Variants in DOP1B observed in about 807,000 individuals in gnomAD.
DOP1B encodes the protein DOP1 leucine zipper like protein B, also known as protein DOP1B.
DOP1B carries 174 observed loss-of-function variants against 233.5 expected under a neutral mutation model. The ratio of observed to expected loss-of-function variants is 0.75; its 90% CI spans 0.66 to 0.85. The LOEUF is 0.85. DOP1B is among the 40% of genes least tolerant of loss of function. The probability of loss-of-function intolerance (pLI) is 0.00; values close to 1 mark genes in which losing one functional copy is unlikely to be tolerated. For missense variants in DOP1B, 2,652 were observed against 2,846.6 expected, an observed-to-expected ratio of 0.93 and a Z score of 1.56; for synonymous variants, 1,190 against 1,185.6, an observed-to-expected ratio of 1.00 and a Z score of -0.08.
chr21:36,238,608 G>A lies in DOP1B; in HGVS notation c.2783G>A (p.Arg928Lys), dbSNP rs138188793. The change falls in exon 17 of 37, where the codon AGG (arginine) becomes AAG (lysine). Residue 928 changes from arginine (R) to lysine (K), a missense_variant. Transcript: ENST00000691173. ...HALLDPDKGT[R>K]LEALFRFSVI... ...ATGTATCTCCTCATCAAGGGAACAA[G>A]GCTGGAAGCTCTGTTTAGATTTTCC... 6.2e-7 allele frequency: 1 copy of A among 1,614,112 alleles called. No individual in the cohort carries two copies. The highest frequency in any genetic ancestry group is 8.5e-7 in the Non-Finnish European group (1 of 1,180,048).
intron 27 of DOP1B, among the ~76,000 whole-genome samples, chr21:36,275,523 G>A (rs1238887590): frequency 6.6e-6 from 1 of 151,896 alleles, no homozygotes; most frequent in Non-Finnish European, 1.5e-5. Context: ...GGAGGCTGAG[G>A]TGGGAAGATC....
In DOP1B at chr21:36,231,234, T is replaced by C. The variant is rs2066761691; in HGVS notation, c.2350+100T>C. ...TATCCACAATGCTAGGGACCAAATG[T>C]ATTTTGGATTTCGGACTTTTTTCAG... On this transcript the variant is annotated intron_variant, in intron 14 of 36. Transcript: ENST00000691173. The C allele has an allele frequency of 2.1e-6, 3 of 1,416,024 alleles. No homozygotes were observed. The East Asian group carries it at 7.2e-5, about 34-fold the overall frequency. 87.7% of individuals were successfully genotyped at this position (1,416,024 alleles called of 1,614,324 possible).
At position 36,246,386 on chromosome 21, in the gene DOP1B, C is replaced by T. The variant is rs1337626812; in HGVS notation, c.4406C>T (p.Ser1469Phe). 3.1e-6 allele frequency: 5 copies of T among 1,613,248 alleles called. No homozygotes were observed. Among genetic ancestry groups the T allele is most frequent in the Non-Finnish European group, 4.2e-6 (5 of 1,179,824 alleles). The stretch of plus-strand genomic sequence containing the variant: ...GAGGCGGAAAACCAGCCCGACCTGT[C>T]CCGGGAGTGGCAGAGAGCCCTGAAC... ...HEEAENQPDL[S>F]REWQRALNFQ... is the part of the protein sequence containing the mutation. The change falls in exon 19 of 37, where the codon TCC becomes TTC. Residue 1469 changes from serine to phenylalanine, a missense_variant. Physicochemically the swap from Ser to Phe is radical, Grantham distance 155. Transcript: ENST00000691173. The surrounding 1 kb of genome is among the most constrained non-coding windows in gnomAD (Gnocchi z 5.1).
At chr21:36,251,980 C>T (rs969179509) in intron 22 of DOP1B, among the ~76,000 whole-genome samples, 23 of 152,066 alleles carry the variant, frequency 1.5e-4, no homozygotes, top group African/African-American at 5.1e-4. Flanking sequence ...ACGGGCAGAT[C>T]GCTTGAGTCT....
Position 36,277,056 on chromosome 21 carries a change from G to A in DOP1B, c.5668G>A (p.Ala1890Thr), listed in dbSNP as rs1417028413. 9 of 1,614,008 alleles carry A rather than the reference G, an allele frequency of 5.6e-6. No homozygotes were observed. Among genetic ancestry groups the A allele is most frequent in the East Asian group, 2.2e-5 (1 of 44,874 alleles). The change falls in exon 28 of 37, where the codon GCC becomes ACC. Residue 1890 changes from alanine (A) to threonine (T), a missense_variant. This residue lies in a region of DOP1B where 2,617 missense variants were observed against 2,794.3 expected (regional missense o/e 0.94). Transcript: ENST00000691173. ...AGCTTCAGCAATGGTGTCTTCATCC[G>A]CCCCGTCGGTGTACAGCGTGCAAGC... is the stretch of plus-strand genomic sequence containing the variant. ...AAASAMVSSS[A>T]PSVYSVQALS...
intron 26 of DOP1B, among the ~76,000 whole-genome samples, chr21:36,267,764 A>G (rs1051598261): frequency 2.6e-5 from 4 of 151,818 alleles, no homozygotes; most frequent in Non-Finnish European, 1.5e-5. Context: ...AAAGAGAGGA[A>G]TGTTACAGCT....
intron 2 of DOP1B, among the ~76,000 whole-genome samples, chr21:36,191,255 GA>G (rs10599369): frequency 0.39 from 55,624 of 141,258 alleles, 10,421 homozygotes; most frequent in Admixed American, 0.42. Flanking sequence ...AAACAAGTCA[GA>G]AAAAAAAAAA....
At chr21:36,260,788 G>T in intron 24 of DOP1B, 56 bp downstream of exon 24, 1 of 1,596,894 alleles carries the variant, frequency 6.3e-7, no homozygotes, top group East Asian at 2.2e-5. Flanking sequence ...CTATTGCAGT[G>T]AGCATGCATA....
At chr21:36,189,162 G>A (rs997481617) in intron 2 of DOP1B, among the ~76,000 whole-genome samples, 1 of 152,128 alleles carries the variant, frequency 6.6e-6, no homozygotes, top group African/African-American at 2.4e-5. Flanking sequence ...TATTTTCTTG[G>A]GTGGAGCAAC....
At chr21:36,184,700 C>T (rs2066143505) in intron 2 of DOP1B, among the ~76,000 whole-genome samples, 1 of 152,186 alleles carries the variant, frequency 6.6e-6, no homozygotes, top group African/African-American at 2.4e-5. Flanking sequence ...CCTTGGTGCT[C>T]AGGCTGCCCG....
At chr21:36,268,333 A>G (rs2067252813) in intron 26 of DOP1B, among the ~76,000 whole-genome samples, 1 of 152,196 alleles carries the variant, frequency 6.6e-6, no homozygotes, top group Non-Finnish European at 1.5e-5. Context: ...GGCTCTCTGC[A>G]AGAAGAAAAA....
At chr21:36,251,700 C>T (rs1430836621) in intron 22 of DOP1B, among the ~76,000 whole-genome samples, 1 of 152,172 alleles carries the variant, frequency 6.6e-6, no homozygotes, top group Non-Finnish European at 1.5e-5. Flanking sequence ...GGATTACAGG[C>T]GTGAGCCACC....
intron 32 of DOP1B, among the ~76,000 whole-genome samples, chr21:36,283,835 G>A (rs1248505890): frequency 6.6e-6 from 1 of 151,308 alleles, no homozygotes; most frequent in Non-Finnish European, 1.5e-5. Flanking sequence ...GAAGCAGTAA[G>A]CCTACTTTCT....
At chr21:36,170,002 A>G (rs2065957514) in intron 2 of DOP1B, 1 of 754,024 alleles carries the variant, frequency 1.3e-6, no homozygotes, top group Non-Finnish European at 2.5e-6. Context: ...TGGCCTGTCG[A>G]CTTCCCGTGT....
intron 2 of DOP1B, among the ~76,000 whole-genome samples, chr21:36,180,565 T>G (rs1451226623): frequency 7.3e-6 from 1 of 136,298 alleles, no homozygotes; most frequent in Non-Finnish European, 1.5e-5. Flanking sequence ...TGGGCAAGAG[T>G]GAAACTCGGT....
intron 2 of DOP1B, among the ~76,000 whole-genome samples, chr21:36,198,525 G>A (rs867234659): frequency 2.0e-5 from 3 of 152,064 alleles, no homozygotes; most frequent in Non-Finnish European, 2.9e-5. Flanking sequence ...GGACAGCATC[G>A]ATCTGTTCAC....
intron 4 of DOP1B, 134 bp downstream of exon 4, chr21:36,200,635 A>C: frequency 8.2e-6 from 9 of 1,100,212 alleles, no homozygotes; most frequent in Non-Finnish European, 1.1e-5. Context: ...CAAGGTCAGG[A>C]GATGGAGACC....
At chr21:36,260,626 T>G (rs141392545) in intron 23 of DOP1B, 51 bp from the exon 24 acceptor site, 2 of 1,609,892 alleles carry the variant, frequency 1.2e-6, no homozygotes, top group Admixed American at 1.7e-5. Context: ...TGAATTCTTT[T>G]AGCCTTATTT....
At position 36,200,208 on chromosome 21, in the gene DOP1B, C is replaced by G. The variant is rs1018745892; in HGVS notation, c.321-123C>G. 3 of 1,296,560 alleles carry G rather than the reference C, an allele frequency of 2.3e-6. No homozygotes were observed. The South Asian group carries it at 4.5e-5, about 19-fold the overall frequency. The allele number at this position is 1,296,560 out of a possible 1,614,324, so 80.3% of individuals were successfully genotyped here. A position where few individuals can be genotyped will look rare whatever the true frequency, so the allele number is the denominator to read the frequency against. ...ACCATCTCATGTCATACCCACACATCGAAACCAGCAGTTTAAATGGCCAGC... is the reference window on the plus strand; with the variant it reads ...ACCATCTCATGTCATACCCACACATGGAAACCAGCAGTTTAAATGGCCAGC... On this transcript the variant is annotated intron_variant, in intron 3 of 36. Coordinates refer to ENST00000691173, the MANE Select transcript of DOP1B (RefSeq NM_001320714.2).
Sources: gnomAD v4.1 joint callset for allele counts (sites outside exome capture counted in the v4.1 genomes callset) on GRCh38, gnomAD v4.1.1 for gene constraint, gnomAD v4.1.1 regional missense constraint, Gnocchi (gnomAD v3.1) non-coding constraint, MANE v1.5 for transcripts, NCBI Gene and HGNC (gene_info 2026-07-23, HGNC 2026-07-21) for gene names.